CPTP: variants seen among roughly 807,000 people sequenced by gnomAD.
The protein encoded by CPTP is ceramide-1-phosphate transfer protein, also known as GLTP domain-containing protein 1.
A neutral mutation model predicts 5.7 loss-of-function variants in CPTP; 5 were observed. The ratio of observed to expected loss-of-function variants is 0.88; its 90% CI spans 0.46 to 1.86. The LOEUF is 1.86. CPTP is among the 40% of genes most tolerant of loss of function. The probability of loss-of-function intolerance (pLI) is 0.01; values close to 1 mark genes in which losing one functional copy is unlikely to be tolerated. For missense variants in CPTP, 335 were observed against 306.5 expected, an observed-to-expected ratio of 1.09 and a Z score of -0.69; for synonymous variants, 166 against 142.7, an observed-to-expected ratio of 1.16 and a Z score of -1.16.
At chr1:1,327,178 C>T in intron 2 of CPTP, 63 bp from the exon 3 acceptor site, 1 of 1,586,364 alleles carries the variant, frequency 6.3e-7, no homozygotes, top group South Asian at 1.1e-5. Context: ...GGCAGCGTCC[C>T]CTGCACCCCA....
Position 1,327,783 on chromosome 1 carries a change from C to A in CPTP, c.*20C>A. The A allele has an allele frequency of 6.2e-7, 1 of 1,607,246 alleles. No individual in the cohort carries two copies. The highest frequency in any genetic ancestry group is 8.5e-7 in the Non-Finnish European group (1 of 1,179,154). On this transcript the variant is annotated 3_prime_UTR_variant, in exon 3 of 3. Transcript: ENST00000343938. ...CCCTAGGGGCGGGAAGCCAGGGCCG[C>A]ACCGGCTTTCCTGCTGCAGATCTGG...
rs950896028 is a variant in CPTP at position 1,324,839 on chromosome 1, C to T, written c.-339C>T. On this transcript the variant is annotated 5_prime_UTR_variant, in exon 1 of 3. Coordinates refer to ENST00000343938, the MANE Select transcript of CPTP (RefSeq NM_001029885.2). Reference sequence around the variant, plus strand: ...GCGGCTACGGCCTAGGTGAGCGGCTCGGACTCGGCGGCCGCACCTGCCCAA... The same window carrying T: ...GCGGCTACGGCCTAGGTGAGCGGCTTGGACTCGGCGGCCGCACCTGCCCAA... 6.2e-6 allele frequency: 3 copies of T among 485,270 alleles called. No individual in the cohort carries two copies. Among genetic ancestry groups the T allele is most frequent in the East Asian group, 7.4e-5 (2 of 26,922 alleles). The allele number at this position is 485,270 out of a possible 1,614,324, so 30.1% of individuals were successfully genotyped here.
rs1052848974 is a variant in CPTP at position 1,324,870 on chromosome 1, C to T, written c.-308C>T. On this transcript the variant is annotated 5_prime_UTR_variant, in exon 1 of 3. Coordinates refer to ENST00000343938, the MANE Select transcript of CPTP (RefSeq NM_001029885.2). ...CGGCGGCCGCACCTGCCCAACCCAA[C>T]CCGCACGGTCCGGAAGTCGCCGAGG... 2 of 457,140 alleles carry T rather than the reference C, an allele frequency of 4.4e-6. No homozygotes were observed. The highest frequency in any genetic ancestry group is 7.7e-6 in the Non-Finnish European group (2 of 259,114). The allele number at this position is 457,140 out of a possible 1,614,324, so 28.3% of individuals were successfully genotyped here. A position where few individuals can be genotyped will look rare whatever the true frequency, so the allele number is the denominator to read the frequency against.
In CPTP at chr1:1,327,377, C is replaced by A; in HGVS notation, c.259C>A (p.Leu87Met). 1 of 1,597,884 alleles carries A rather than the reference C, an allele frequency of 6.3e-7. No individual in the cohort carries two copies. Among genetic ancestry groups the A allele is most frequent in the South Asian group, 1.1e-5 (1 of 90,858 alleles). ...RSLQAMVAHE[L>M]SNRLVDLERR... ...CCTGCAGGCCATGGTGGCCCACGAG[C>A]TGAGCAACCGGCTGGTGGACCTGGA... Residue 87 changes from leucine to methionine, a missense_variant, in exon 3 of 3, where the codon CTG becomes ATG. Physicochemically the swap from Leu to Met is conservative, Grantham distance 15 (BLOSUM62 2). Transcript: ENST00000343938.
rs1464567305 is a variant in CPTP at position 1,328,513 on chromosome 1, C to G, written c.*750C>G. The G allele has an allele frequency of 6.5e-6, 1 of 153,372 alleles. No homozygotes were observed. Among genetic ancestry groups the G allele is most frequent in the African/African-American group, 2.4e-5 (1 of 41,448 alleles). The allele number at this position is 153,372 out of a possible 1,614,324, so 9.5% of individuals were successfully genotyped here. A position where few individuals can be genotyped will look rare whatever the true frequency, so the allele number is the denominator to read the frequency against. On this transcript the variant is annotated 3_prime_UTR_variant, in exon 3 of 3. Coordinates refer to ENST00000343938, the MANE Select transcript of CPTP (RefSeq NM_001029885.2). ...CGCAGCAGGCCGCCTCCCGCAGCGGCCGTGGGTCTGCACAGCCCAGCCCAG... is the reference window on the plus strand; with the variant it reads ...CGCAGCAGGCCGCCTCCCGCAGCGGGCGTGGGTCTGCACAGCCCAGCCCAG...
Position 1,327,925 on chromosome 1 carries a change from G to A in CPTP, c.*162G>A. On this transcript the variant is annotated 3_prime_UTR_variant, in exon 3 of 3. Coordinates refer to ENST00000343938, the MANE Select transcript of CPTP (RefSeq NM_001029885.2). ...GTTAGGAACCACAGACTGTGACAGA[G>A]AAGGTGGCGACCAGCCCAGAAGAGG... is the stretch of plus-strand genomic sequence containing the variant. 1.2e-6 allele frequency: 1 copy of A among 813,640 alleles called. No individual in the cohort carries two copies. The highest frequency in any genetic ancestry group is 1.9e-6 in the Non-Finnish European group (1 of 526,728). 50.4% of individuals were successfully genotyped at this position (813,640 alleles called of 1,614,324 possible).
In CPTP at chr1:1,327,499, C is replaced by A. The variant is rs1462211144; in HGVS notation, c.381C>A (p.Thr127=). 1 of 1,573,874 alleles carries A rather than the reference C, an allele frequency of 6.4e-7. No individual in the cohort carries two copies. The highest frequency in any genetic ancestry group is 1.1e-5 in the South Asian group (1 of 87,882). ...AGCTGTTCCTGGAGGGCCTGCGTAC[C>A]AGCCCCGAGGACGCACGCACCTCCG... ...WLQLFLEGLR[T]SPEDARTSAL... is the part of the protein sequence containing the mutation. Residue 127 remains threonine, a synonymous_variant, in exon 3 of 3, where the codon ACC becomes ACA. Coordinates refer to ENST00000343938, the MANE Select transcript of CPTP (RefSeq NM_001029885.2).
Position 1,327,866 on chromosome 1 carries a change from A to C in CPTP, c.*103A>C, listed in dbSNP as rs1012102861. 7.6e-7 allele frequency: 1 copy of C among 1,317,920 alleles called. No individual in the cohort carries two copies. Among genetic ancestry groups the C allele is most frequent in the African/African-American group, 1.5e-5 (1 of 68,168 alleles). 81.6% of individuals were successfully genotyped at this position (1,317,920 alleles called of 1,614,324 possible). The stretch of plus-strand genomic sequence containing the variant: ...AGAGCCTTCTGGGCGCTGCGGGAAC[A>C]GGAGATCCTCTGTCGCCCCTGTGAG... On this transcript the variant is annotated 3_prime_UTR_variant, in exon 3 of 3. Transcript: ENST00000343938.
Position 1,328,168 on chromosome 1 carries a change from T to A in CPTP, c.*405T>A. The A allele has an allele frequency of 3.7e-6, 1 of 267,708 alleles. No individual in the cohort carries two copies. Among genetic ancestry groups the A allele is most frequent in the Non-Finnish European group, 7.2e-6 (1 of 139,130 alleles). 16.6% of individuals were successfully genotyped at this position (267,708 alleles called of 1,614,324 possible). ...CAGGTCCCGGGGTGTGGAGGCTCCA[T>A]CCTTTCTCCTTTCTGCCAGCCGATG... On this transcript the variant is annotated 3_prime_UTR_variant, in exon 3 of 3. Transcript: ENST00000343938.
chr1:1,326,617 G>T (rs939511051), intron 1 of CPTP, among the ~76,000 whole-genome samples: 1 of 152,236 alleles, frequency 6.6e-6, no homozygotes, highest in African/African-American at 2.4e-5. Flanking sequence ...CGGGGTCAGG[G>T]ACTGACACGG....
Position 1,324,831 on chromosome 1 carries a change from G to A in CPTP, c.-347G>A. 2.0e-6 allele frequency: 1 copy of A among 498,396 alleles called. No homozygotes were observed. The highest frequency in any genetic ancestry group is 3.5e-6 in the Non-Finnish European group (1 of 286,156). The allele number at this position is 498,396 out of a possible 1,614,324, so 30.9% of individuals were successfully genotyped here. A position where few individuals can be genotyped will look rare whatever the true frequency, so the allele number is the denominator to read the frequency against. On this transcript the variant is annotated 5_prime_UTR_variant, in exon 1 of 3. Coordinates refer to ENST00000343938, the MANE Select transcript of CPTP (RefSeq NM_001029885.2). ...CCCGCACGGCGGCTACGGCCTAGGT[G>A]AGCGGCTCGGACTCGGCGGCCGCAC...
rs763907446 is a variant in CPTP, at chr1:1,327,306, T to A, written c.188T>A (p.Ile63Asn). The A allele has an allele frequency of 1.9e-6, 3 of 1,598,208 alleles. No individual in the cohort carries two copies. The highest frequency in any genetic ancestry group is 2.5e-6 in the Non-Finnish European group (3 of 1,179,512). Reference protein sequence around the residue: ...ISKDVVSKLRIMERLRGGPQS... With the variant: ...ISKDVVSKLRNMERLRGGPQS... ...AAGGACGTGGTCTCCAAGCTGCGGA[T>A]CATGGAGCGCCTCAGGGGCGGCCCG... The change falls in exon 3 of 3, where the codon ATC becomes AAC. Residue 63 changes from isoleucine to asparagine, a missense_variant. Physicochemically the swap from Ile to Asn is moderately radical, Grantham distance 149. Coordinates refer to ENST00000343938, the MANE Select transcript of CPTP (RefSeq NM_001029885.2).
intron 1 of CPTP, chr1:1,325,581 C>G (rs979947894): frequency 2.0e-5 from 3 of 152,390 alleles, no homozygotes; most frequent in Non-Finnish European, 4.4e-5. Flanking sequence ...AGCCATCCCC[C>G]ACACCTGAAG....
intron 1 of CPTP, among the ~76,000 whole-genome samples, chr1:1,326,593 G>A (rs1235833371): frequency 2.0e-5 from 3 of 152,254 alleles, no homozygotes; most frequent in Admixed American, 2.0e-4. Context: ...GATAAAGCCA[G>A]AGGGGGCCAC....
chr1:1,326,862 C>T lies in CPTP; in HGVS notation c.-49C>T. The T allele has an allele frequency of 1.2e-6, 2 of 1,611,774 alleles. No homozygotes were observed. Among genetic ancestry groups the T allele is most frequent in the South Asian group, 1.1e-5 (1 of 90,946 alleles). On this transcript the variant is annotated 5_prime_UTR_variant, in exon 2 of 3. Transcript: ENST00000343938. Reference sequence around the variant, plus strand: ...AAATGAGCCACAGAGCAAGCTGACCCCAGCGACACAGCCCCCCAGCCCTAC... The same window carrying T: ...AAATGAGCCACAGAGCAAGCTGACCTCAGCGACACAGCCCCCCAGCCCTAC...
chr1:1,327,387 G>A lies in CPTP; in HGVS notation c.269G>A (p.Arg90Gln), dbSNP rs749538987. The change falls in exon 3 of 3, where the codon CGG (arginine) becomes CAG (glutamine). Residue 90 changes from arginine (R) to glutamine (Q), a missense_variant. Transcript: ENST00000343938. ...ATGGTGGCCCACGAGCTGAGCAACC[G>A]GCTGGTGGACCTGGAGCGCCGCTCC... ...QAMVAHELSN[R>Q]LVDLERRSHH... 2.9e-5 allele frequency: 47 copies of A among 1,597,214 alleles called. No homozygotes were observed. The highest frequency in any genetic ancestry group is 2.5e-4 in the East Asian group (11 of 44,758).
rs778794680 is a variant in CPTP, at chr1:1,327,639, C to T, written c.521C>T (p.Ala174Val). Residue 174 changes from alanine to valine, a missense_variant, in exon 3 of 3, where the codon GCC (alanine) becomes GTC (valine). Coordinates refer to ENST00000343938, the MANE Select transcript of CPTP (RefSeq NM_001029885.2). ...TLPTREVFLE[A>V]MNVGPPEQAV... ...CCCACACGCGAGGTCTTCCTGGAGG[C>T]CATGAACGTGGGGCCCCCGGAGCAG... The T allele has an allele frequency of 6.2e-7, 1 of 1,612,688 alleles. No individual in the cohort carries two copies. Among genetic ancestry groups the T allele is most frequent in the Non-Finnish European group, 8.5e-7 (1 of 1,179,892 alleles).
At position 1,327,419 on chromosome 1, in the gene CPTP, C is replaced by T; in HGVS notation, c.301C>T (p.Pro101Ser). ...LVDLERRSHHPESGCRTVLRL... is the reference protein window; with the variant it reads ...LVDLERRSHHSESGCRTVLRL... ...GGACCTGGAGCGCCGCTCCCACCACCCGGAGTCTGGCTGCCGGACGGTGCT... is the reference window on the plus strand; with the variant it reads ...GGACCTGGAGCGCCGCTCCCACCACTCGGAGTCTGGCTGCCGGACGGTGCT... Residue 101 changes from proline (P) to serine (S), a missense_variant, in exon 3 of 3, where the codon CCG (proline) becomes TCG (serine). Pro to Ser is a moderately conservative substitution (Grantham distance 74). Coordinates refer to ENST00000343938, the MANE Select transcript of CPTP (RefSeq NM_001029885.2). 1 of 1,589,664 alleles carries T rather than the reference C, an allele frequency of 6.3e-7. No homozygotes were observed.
At chr1:1,326,756 G>T in intron 1 of CPTP, 80 bp from the exon 2 acceptor site, 3 of 995,706 alleles carry the variant, frequency 3.0e-6, no homozygotes, top group Non-Finnish European at 4.4e-6. Flanking sequence ...GGCAGCTCCT[G>T]GGAGGAAGCT....
Sources: gnomAD v4.1 joint callset for allele counts (sites outside exome capture counted in the v4.1 genomes callset) on GRCh38, gnomAD v4.1.1 for gene constraint, MANE v1.5 for transcripts, NCBI Gene and HGNC (gene_info 2026-07-23, HGNC 2026-07-21) for gene names.